The following PI4K2B variants were observed in gnomAD, a reference collection of about 807,000 sequenced individuals.
The protein encoded by PI4K2B is phosphatidylinositol 4-kinase type 2-beta.
Under a neutral mutation model 56.6 loss-of-function variants are expected in PI4K2B, and 46 were observed. The observed-to-expected ratio is 0.81, with a 90% CI of 0.64 to 1.04. The LOEUF is 1.04. Ranked by LOEUF, PI4K2B falls within the 50% of genes least tolerant of loss-of-function variation. PI4K2B has a pLI of 0.00. For missense variants in PI4K2B, 556 were observed against 607.7 expected, an observed-to-expected ratio of 0.91 and a Z score of 0.89; for synonymous variants, 211 against 223.8, an observed-to-expected ratio of 0.94 and a Z score of 0.51.
In PI4K2B at chr4:25,268,464, T is replaced by G. The variant is rs369722569; in HGVS notation, c.1100T>G (p.Leu367Arg). Reference sequence around the variant, plus strand: ...TTAGATCCATTTCACTGGGCTTGGCTTCCTCAAGCAAAAGTTCCCTTTTCT... The same window carrying G: ...TTAGATCCATTTCACTGGGCTTGGCGTCCTCAAGCAAAAGTTCCCTTTTCT... ...WRAYPFHWAWLPQAKVPFSEE... is the reference protein window; with the variant it reads ...WRAYPFHWAWRPQAKVPFSEE... Residue 367 changes from leucine (L) to arginine (R), a missense_variant, in exon 8 of 10, where the codon CTT becomes CGT. Leu to Arg is a moderately radical substitution (Grantham distance 102, BLOSUM62 -2). Transcript: ENST00000264864. 28 of 1,605,872 alleles carry G rather than the reference T, an allele frequency of 1.7e-5. No homozygotes were observed. The highest frequency in any genetic ancestry group is 3.3e-4 in the Middle Eastern group (2 of 6,028).
chr4:25,268,641 T>G, intron 8 of PI4K2B, 65 bp downstream of exon 8: 1 of 1,133,434 alleles, frequency 8.8e-7, no homozygotes, highest in Non-Finnish European at 1.2e-6. Flanking sequence ...GACTGCTTAA[T>G]AGAGCTGATT....
In PI4K2B at chr4:25,246,069, C is replaced by T. The variant is rs538454531; in HGVS notation, c.269-6252C>T. On this transcript the variant is annotated intron_variant, in intron 1 of 9. Transcript: ENST00000264864. ...CGGAGTTTCTTTCTTCTGGTGGGTT[C>T]GTGGTCTCGCTGGCTTCAGGAGTGA... 4.6e-5 allele frequency among the ~76,000 whole-genome samples: 7 copies of T among 152,196 alleles called. No individual in the cohort carries two copies. The East Asian group carries it at 7.7e-4, about 17-fold the overall frequency.
At chr4:25,244,443 C>T (rs571876693) in intron 1 of PI4K2B, among the ~76,000 whole-genome samples, 1 of 152,288 alleles carries the variant, frequency 6.6e-6, no homozygotes, top group East Asian at 1.9e-4. Context: ...TAAGGTATTT[C>T]ACTTCATTTG....
Position 25,277,072 on chromosome 4 carries a change from T to C in PI4K2B, c.1331T>C (p.Ile444Thr), listed in dbSNP as rs889617319. 2.5e-6 allele frequency: 4 copies of C among 1,613,522 alleles called. No homozygotes were observed. Among genetic ancestry groups the C allele is most frequent in the African/African-American group, 2.7e-5 (2 of 74,924 alleles). Residue 444 changes from isoleucine to threonine, a missense_variant, in exon 10 of 10, where the codon ATA becomes ACA. Transcript: ENST00000264864. The stretch of plus-strand genomic sequence containing the variant: ...AAGAGTCCTTTCCAGCTAGTACAGA[T>C]ACCTTGTGTGATTGTGGAACGCAGT... ...DGKSPFQLVQ[I>T]PCVIVERSQG... is the part of the protein sequence containing the mutation.
rs749317268 is a variant in PI4K2B, at chr4:25,255,049, TA to T, written c.424-15del. Reference sequence around the variant, plus strand: ...TATGTAAAAAGTCTAATAAGATTTTTACTTTTTTGCTCTAGAAAATTATTGG... The same window carrying T: ...TATGTAAAAAGTCTAATAAGATTTTTCTTTTTTGCTCTAGAAAATTATTGG... On this transcript the variant is annotated splice_polypyrimidine_tract_variant and intron_variant, in intron 2 of 9. Coordinates refer to ENST00000264864, the MANE Select transcript of PI4K2B (RefSeq NM_018323.4). 11 of 1,564,686 alleles carry T rather than the reference TA, an allele frequency of 7.0e-6. No individual in the cohort carries two copies. Among genetic ancestry groups the T allele is most frequent in the Non-Finnish European group, 8.8e-6 (10 of 1,136,348 alleles).
intron 2 of PI4K2B, among the ~76,000 whole-genome samples, chr4:25,253,708 C>T (rs1716148311): frequency 6.6e-6 from 1 of 152,136 alleles, no homozygotes; most frequent in South Asian, 2.1e-4. Flanking sequence ...TTGTATCAAA[C>T]AATAAGAGTA....
intron 1 of PI4K2B, among the ~76,000 whole-genome samples, chr4:25,235,719 G>A (rs1007845055): frequency 6.6e-6 from 1 of 152,198 alleles, no homozygotes; most frequent in Non-Finnish European, 1.5e-5. Context: ...AAAATAGCTA[G>A]CTTGCCTTTT....
chr4:25,276,609 T>A, intron 9 of PI4K2B: 1 of 973,150 alleles, frequency 1.0e-6, no homozygotes, highest in Non-Finnish European at 1.2e-6. Context: ...ATTTGTTGAA[T>A]GAATGGATAA....
chr4:25,267,921 C>G, intron 7 of PI4K2B: 1 of 955,530 alleles, frequency 1.0e-6, no homozygotes, highest in Non-Finnish European at 1.2e-6. Context: ...CAGACCTCAG[C>G]TGTGGTATTC....
intron 1 of PI4K2B, among the ~76,000 whole-genome samples, chr4:25,249,898 A>G (rs990646362): frequency 3.3e-5 from 5 of 152,172 alleles, no homozygotes; most frequent in Non-Finnish European, 7.3e-5. Context: ...TAGTGAGCCG[A>G]GATCACGCCA....
chr4:25,242,277 C>T (rs1197318533), intron 1 of PI4K2B, among the ~76,000 whole-genome samples: 1 of 152,142 alleles, frequency 6.6e-6, no homozygotes, highest in African/African-American at 2.4e-5. Flanking sequence ...GTAAATCATC[C>T]ACATATTGAA....
Position 25,260,525 on chromosome 4 carries a change from C to A in PI4K2B, c.912C>A (p.Asp304Glu). 7.1e-7 allele frequency: 1 copy of A among 1,406,446 alleles called. No individual in the cohort carries two copies. The highest frequency in any genetic ancestry group is 9.5e-7 in the Non-Finnish European group (1 of 1,052,940). 87.1% of individuals were successfully genotyped at this position (1,406,446 alleles called of 1,614,324 possible). A position where few individuals can be genotyped will look rare whatever the true frequency, so the allele number is the denominator to read the frequency against. Residue 304 changes from aspartate to glutamate, a missense_variant and splice_region_variant, in exon 6 of 10, where the codon GAC becomes GAA. Transcript: ENST00000264864. Reference protein sequence around the residue: ...VILDYIIRNTDRGNDNWLVRY... With the variant: ...VILDYIIRNTERGNDNWLVRY... ...AGATTTTCTTGTTTGTTTTGAAAGA[C>A]AGGGGCAATGATAATTGGTTAGTCA...
At chr4:25,256,199 T>C (rs1716258971) in intron 3 of PI4K2B, among the ~76,000 whole-genome samples, 1 of 152,224 alleles carries the variant, frequency 6.6e-6, no homozygotes, top group Non-Finnish European at 1.5e-5. Context: ...ATTACAGGCA[T>C]GAGCCACTGC....
At chr4:25,239,501 C>T (rs977874835) in intron 1 of PI4K2B, among the ~76,000 whole-genome samples, 2 of 63,436 alleles carry the variant, frequency 3.2e-5, no homozygotes, top group African/African-American at 6.3e-5. Context: ...TGCCCGGGGC[C>T]GGTGGGGCCG....
intron 4 of PI4K2B, among the ~76,000 whole-genome samples, chr4:25,257,304 C>T (rs143858021): frequency 6.6e-6 from 1 of 152,088 alleles, no homozygotes; most frequent in Non-Finnish European, 1.5e-5. Context: ...TGAAGCAATC[C>T]TCTCGCTTTG....
chr4:25,245,162 G>A (rs573298547), intron 1 of PI4K2B, among the ~76,000 whole-genome samples: 21 of 152,290 alleles, frequency 1.4e-4, no homozygotes, highest in African/African-American at 3.9e-4. Context: ...TCCCCACTAC[G>A]ATGGGGCTTC....
intron 1 of PI4K2B, among the ~76,000 whole-genome samples, chr4:25,239,713 T>C (rs1231573495): frequency 6.6e-6 from 1 of 152,138 alleles, no homozygotes; most frequent in Non-Finnish European, 1.5e-5. Flanking sequence ...GCTCCTCAAG[T>C]GCGGCCAGAG....
intron 3 of PI4K2B, among the ~76,000 whole-genome samples, chr4:25,255,687 TTC>T (rs1260983086): frequency 3.9e-5 from 6 of 152,234 alleles, no homozygotes; most frequent in Admixed American, 3.3e-4. Context: ...GGCCTTAAAT[TTC>T]TCTGCTTATG....
intron 5 of PI4K2B, 56 bp downstream of exon 5, chr4:25,259,246 C>CT: frequency 8.5e-7 from 1 of 1,174,770 alleles, no homozygotes; most frequent in Admixed American, 2.3e-5. Flanking sequence ...AAACTATATT[C>CT]TTGTTATCCA....
Sources: gnomAD v4.1 joint callset for allele counts (sites outside exome capture counted in the v4.1 genomes callset) on GRCh38, gnomAD v4.1.1 for gene constraint, MANE v1.5 for transcripts, NCBI Gene and HGNC (gene_info 2026-07-23, HGNC 2026-07-21) for gene names.